PEX7: variants seen among roughly 807,000 people sequenced by gnomAD.
PEX7 encodes the protein PTS2 receptor.
PEX7 carries 34 observed loss-of-function variants against 47.5 expected under a neutral mutation model. The observed-to-expected ratio is 0.72, with a 90% CI of 0.54 to 0.95. PEX7 has a LOEUF of 0.95. PEX7 is among the 40% of genes least tolerant of loss of function. The probability of loss-of-function intolerance (pLI) is 0.00; values close to 1 mark genes in which losing one functional copy is unlikely to be tolerated. For synonymous variants in PEX7, 141 were observed against 148.8 expected (o/e 0.95, Z 0.38); for missense variants, 394 against 400.3 (o/e 0.98, Z 0.13).
intron 3 of PEX7, among the ~76,000 whole-genome samples, chr6:136,832,779 C>T (rs1351809432): frequency 2.0e-5 from 3 of 152,190 alleles, no homozygotes; most frequent in Admixed American, 6.5e-5. Flanking sequence ...CAAAATGCCA[C>T]CAGTCTCTTT....
Position 136,900,412 on chromosome 6 carries a change from G to C in PEX7, c.903+2171G>C, listed in dbSNP as rs531287848. The stretch of plus-strand genomic sequence containing the variant: ...TTTAGTGGCAGGTTCTTTAGCCTTT[G>C]CCTTTTCCAGCTTGGCAGTGTGAGC... On this transcript the variant is annotated intron_variant, in intron 9 of 9. Transcript: ENST00000318471. The surrounding 1 kb of genome is among the most constrained non-coding windows in gnomAD (Gnocchi z 4.2). 3 of 394,250 alleles carry C rather than the reference G, an allele frequency of 7.6e-6. No individual in the cohort carries two copies. Among genetic ancestry groups the C allele is most frequent in the Admixed American group, 7.6e-5 (3 of 39,464 alleles). 24.4% of individuals were successfully genotyped at this position (394,250 alleles called of 1,614,324 possible).
chr6:136,913,553 G>A lies in PEX7; in HGVS notation c.*27G>A. 1 of 1,477,446 alleles carries A rather than the reference G, an allele frequency of 6.8e-7. No homozygotes were observed. The highest frequency in any genetic ancestry group is 9.5e-7 in the Non-Finnish European group (1 of 1,056,248). The allele number at this position is 1,477,446 out of a possible 1,614,324, so 91.5% of individuals were successfully genotyped here. A position where few individuals can be genotyped will look rare whatever the true frequency, so the allele number is the denominator to read the frequency against. On this transcript the variant is annotated 3_prime_UTR_variant, in exon 10 of 10. Transcript: ENST00000318471. The stretch of plus-strand genomic sequence containing the variant: ...ATACACTACTTTGGTCAGAAACAGA[G>A]GATGTTGGCTGAAGAACTGCCTAAC...
chr6:136,908,313 TA>T lies in PEX7; in HGVS notation c.904-5144del, dbSNP rs796590031. 3.1e-4 allele frequency among the ~76,000 whole-genome samples: 47 copies of T among 152,324 alleles called. 1 individual carries two copies. The highest frequency in any genetic ancestry group is 1.1e-3 in the African/African-American group (47 of 41,578). On this transcript the variant is annotated intron_variant, in intron 9 of 9. Transcript: ENST00000318471. ...AAATGAAATAATTAAAAATAGAACT[TA>T]TATGGCATCTTACCCTATTAGTTTA...
intron 5 of PEX7, among the ~76,000 whole-genome samples, chr6:136,863,400 C>T (rs891979140): frequency 2.6e-5 from 4 of 151,684 alleles, no homozygotes; most frequent in African/African-American, 4.8e-5. Flanking sequence ...TTTAATGTAG[C>T]AGGACAGTAT....
intron 5 of PEX7, among the ~76,000 whole-genome samples, chr6:136,861,531 T>C (rs1421051750): frequency 6.6e-6 from 1 of 152,172 alleles, no homozygotes; most frequent in Non-Finnish European, 1.5e-5. Context: ...GTATATATTA[T>C]TTAGGCATTT....
At position 136,900,696 on chromosome 6, in the gene PEX7, T is replaced by A; in HGVS notation, c.903+2455T>A. The A allele has an allele frequency of 2.9e-6, 1 of 346,366 alleles. No homozygotes were observed. Among genetic ancestry groups the A allele is most frequent in the Admixed American group, 3.7e-5 (1 of 27,310 alleles). 21.5% of individuals were successfully genotyped at this position (346,366 alleles called of 1,614,324 possible). On this transcript the variant is annotated intron_variant, in intron 9 of 9. Transcript: ENST00000318471. This position sits in a 1 kb window ranked among gnomAD's most constrained non-coding sequence, Gnocchi z 4.2. The stretch of plus-strand genomic sequence containing the variant: ...CCAGCTTGATGGGATCCACGTCATG[T>A]GCAGTCACCGCCAGCTGAGCCTTCT...
At chr6:136,854,310 C>T (rs953947515) in intron 5 of PEX7, among the ~76,000 whole-genome samples, 5 of 152,142 alleles carry the variant, frequency 3.3e-5, no homozygotes, top group Non-Finnish European at 7.4e-5. Flanking sequence ...AATTCTCCTG[C>T]CTCAGCCTTC....
chr6:136,897,301 CTG>C (rs1775668911), intron 8 of PEX7, among the ~76,000 whole-genome samples: 1 of 152,176 alleles, frequency 6.6e-6, no homozygotes, highest in Non-Finnish European at 1.5e-5. Context: ...GGATATGACT[CTG>C]TGATCCTGAA....
chr6:136,827,863 G>GT lies in PEX7; in HGVS notation c.339+1403dup, dbSNP rs1020572606. On this transcript the variant is annotated intron_variant, in intron 3 of 9. Coordinates refer to ENST00000318471, the MANE Select transcript of PEX7 (RefSeq NM_000288.4). ...TGTGTGTGTGTGTTTTTTTGTTGTT[G>GT]TTTTTTTTTGTAGAGATGGAGTTTC... 1.1e-3 allele frequency among the ~76,000 whole-genome samples: 164 copies of GT among 149,948 alleles called. 1 individual carries two copies. Among genetic ancestry groups the GT allele is most frequent in the African/African-American group, 3.5e-3 (144 of 40,880 alleles).
intron 3 of PEX7, among the ~76,000 whole-genome samples, chr6:136,842,421 A>T (rs905595859): frequency 6.6e-6 from 1 of 152,238 alleles, no homozygotes; most frequent in Non-Finnish European, 1.5e-5. Context: ...CAACAATGCC[A>T]TCAGCATGGT....
At chr6:136,860,537 G>T (rs1176663321) in intron 5 of PEX7, among the ~76,000 whole-genome samples, 2 of 151,334 alleles carry the variant, frequency 1.3e-5, no homozygotes, top group Non-Finnish European at 2.9e-5. Context: ...GAAGGCGGGA[G>T]GGATAGCATT....
At chr6:136,823,614 C>G (rs2180709) in intron 1 of PEX7, among the ~76,000 whole-genome samples, 105,324 of 152,010 alleles carry the variant, frequency 0.69, 37,721 homozygotes, top group African/African-American at 0.89. Context: ...GGCCAAGCGC[C>G]GTGCGGTGGC....
chr6:136,858,183 T>C (rs1452610619), intron 5 of PEX7, among the ~76,000 whole-genome samples: 2 of 152,230 alleles, frequency 1.3e-5, no homozygotes, highest in Non-Finnish European at 2.9e-5. Context: ...AATGGATTCC[T>C]GAGCTTGTCA....
chr6:136,826,978 G>A (rs879281642), intron 3 of PEX7, among the ~76,000 whole-genome samples: 2 of 152,194 alleles, frequency 1.3e-5, no homozygotes, highest in African/African-American at 4.8e-5. Flanking sequence ...GTGTGTGTAT[G>A]TATAGCATAG....
At chr6:136,909,807 A>G (rs895458158) in intron 9 of PEX7, among the ~76,000 whole-genome samples, 1 of 152,230 alleles carries the variant, frequency 6.6e-6, no homozygotes, top group Non-Finnish European at 1.5e-5. Flanking sequence ...GGTAGTTATT[A>G]TAAGTCCTGA....
intron 3 of PEX7, among the ~76,000 whole-genome samples, chr6:136,839,841 C>G (rs1157611983): frequency 6.6e-6 from 1 of 152,130 alleles, no homozygotes; most frequent in Non-Finnish European, 1.5e-5. Context: ...TTAGGCATGC[C>G]CTTACCCTCC....
intron 8 of PEX7, 78 bp from the exon 9 acceptor site, chr6:136,898,064 C>T: frequency 1.2e-6 from 1 of 861,348 alleles, no homozygotes; most frequent in East Asian, 2.6e-5. Flanking sequence ...TTTGCTATGT[C>T]AAATATCTAT....
chr6:136,847,561 A>G (rs1268760092), intron 5 of PEX7, among the ~76,000 whole-genome samples: 3 of 151,664 alleles, frequency 2.0e-5, no homozygotes, highest in Admixed American at 2.0e-4. Context: ...CTTTCTACAT[A>G]TGGCTAGCCA....
At chr6:136,829,987 G>GTTTTT in intron 3 of PEX7, 1 of 610,468 alleles carries the variant, frequency 1.6e-6, no homozygotes, top group Admixed American at 2.5e-5. Context: ...GCCAATTTCT[G>GTTTTT]TTTTTTTTTT....
Sources: gnomAD v4.1 joint callset for allele counts (sites outside exome capture counted in the v4.1 genomes callset) on GRCh38, gnomAD v4.1.1 for gene constraint, Gnocchi (gnomAD v3.1) non-coding constraint, MANE v1.5 for transcripts, NCBI Gene and HGNC (gene_info 2026-07-23, HGNC 2026-07-21) for gene names.